CCDC134: variants seen among roughly 807,000 people sequenced by gnomAD.
The protein encoded by CCDC134 is coiled-coil domain-containing protein 134.
CCDC134 carries 27 observed loss-of-function variants against 25.6 expected under a neutral mutation model. The ratio of observed to expected loss-of-function variants is 1.05; its 90% CI spans 0.78 to 1.45. The LOEUF (loss-of-function observed/expected upper bound fraction) is 1.45. Ranked by LOEUF, CCDC134 falls within the 40% of genes most tolerant of loss-of-function variation. The pLI is 0.00. For synonymous variants in CCDC134, 110 were observed against 115.0 expected, an observed-to-expected ratio of 0.96 and a Z score of 0.28; for missense variants, 261 against 286.7, an observed-to-expected ratio of 0.91 and a Z score of 0.65.
chr22:41,832,017 C>CT lies in CCDC134; in HGVS notation c.*6195dup, dbSNP rs1281801127. 2 of 152,202 alleles carry CT rather than the reference C, an allele frequency of 1.3e-5. No individual in the cohort carries two copies. The highest frequency in any genetic ancestry group is 2.9e-5 in the Non-Finnish European group (2 of 68,036). 9.4% of individuals were successfully genotyped at this position (152,202 alleles called of 1,614,324 possible). On this transcript the variant is annotated 3_prime_UTR_variant, in exon 7 of 7. Transcript: ENST00000255784. ...ACAGTGAATTAGTGGATCCATGTGT[C>CT]TGCCTCCACACAGCCTGTGTGTTCT... is the stretch of plus-strand genomic sequence containing the variant.
At chr22:41,820,696 A>G (rs375840668) in intron 6 of CCDC134, among the ~76,000 whole-genome samples, 1 of 152,140 alleles carries the variant, frequency 6.6e-6, no homozygotes, top group African/African-American at 2.4e-5. Context: ...TGACTAGAAG[A>G]CTTTTGGCCT....
In CCDC134 at chr22:41,813,259, G is replaced by T; in HGVS notation, c.311-5G>T. On this transcript the variant is annotated splice_region_variant and splice_polypyrimidine_tract_variant and intron_variant, in intron 4 of 6. Transcript: ENST00000255784. ...CCTGGCCACTCATCAGGGTCCTCTCGCCAGCTTTCTCCCACGTGGTGGAGA... is the reference window on the plus strand; with the variant it reads ...CCTGGCCACTCATCAGGGTCCTCTCTCCAGCTTTCTCCCACGTGGTGGAGA... 1 of 1,614,060 alleles carries T rather than the reference G, an allele frequency of 6.2e-7. No individual in the cohort carries two copies. Among genetic ancestry groups the T allele is most frequent in the Non-Finnish European group, 8.5e-7 (1 of 1,179,952 alleles).
chr22:41,823,711 C>T (rs187581246), intron 6 of CCDC134, among the ~76,000 whole-genome samples: 9 of 152,306 alleles, frequency 5.9e-5, no homozygotes, highest in Non-Finnish European at 1.0e-4. Flanking sequence ...CTGGACAGGA[C>T]GCCCTCCCAT....
chr22:41,816,987 G>C (rs769837303), intron 6 of CCDC134, among the ~76,000 whole-genome samples: 2 of 152,036 alleles, frequency 1.3e-5, no homozygotes, highest in Non-Finnish European at 2.9e-5. Context: ...TCCAGTTGTT[G>C]CCTACTATCA....
In CCDC134 at chr22:41,830,884, C is replaced by A. The variant is rs112338338; in HGVS notation, c.*5061C>A. ...AGATCCTTATTTTTTCTTTTCTTTT[C>A]TTTTTTTTTTTTTTTTTTTTTTGAG... On this transcript the variant is annotated 3_prime_UTR_variant, in exon 7 of 7. Coordinates refer to ENST00000255784, the MANE Select transcript of CCDC134 (RefSeq NM_024821.5). Among the ~76,000 whole-genome samples, 3 of 117,260 alleles carry A rather than the reference C, an allele frequency of 2.6e-5. No individual in the cohort carries two copies. Among genetic ancestry groups the A allele is most frequent in the East Asian group, 4.6e-4 (2 of 4,338 alleles). The allele number at this position is 117,260 out of a possible 152,430, so 76.9% of individuals were successfully genotyped here.
intron 1 of CCDC134, among the ~76,000 whole-genome samples, chr22:41,803,774 T>C (rs2076555070): frequency 6.6e-6 from 1 of 150,982 alleles, no homozygotes; most frequent in Admixed American, 6.6e-5. Context: ...TCTCCAAAAA[T>C]AATGTAAAAT....
At chr22:41,824,407 T>G (rs2076666350) in intron 6 of CCDC134, among the ~76,000 whole-genome samples, 1 of 150,804 alleles carries the variant, frequency 6.6e-6, no homozygotes, top group Non-Finnish European at 1.5e-5. Context: ...CATGTGGAAC[T>G]TTGTCTTGAG....
At chr22:41,805,129 C>T (rs1463331955) in intron 1 of CCDC134, among the ~76,000 whole-genome samples, 1 of 151,870 alleles carries the variant, frequency 6.6e-6, no homozygotes, top group Non-Finnish European at 1.5e-5. Context: ...AACCACATTG[C>T]CGTAAGAATA....
intron 1 of CCDC134, among the ~76,000 whole-genome samples, chr22:41,804,632 C>T (rs1203495670): frequency 6.6e-6 from 1 of 152,142 alleles, no homozygotes; most frequent in Non-Finnish European, 1.5e-5. Context: ...TCTTAAGGTT[C>T]CTGGGCCTGC....
In CCDC134 at chr22:41,813,350, A is replaced by C; in HGVS notation, c.397A>C (p.Asn133His). ...PRIVHYYFDHNSNWNLLIRWG... is the reference protein window; with the variant it reads ...PRIVHYYFDHHSNWNLLIRWG... ...GATTGTGCACTATTACTTTGACCACAACTCCAACTGGAACCTCCTCATCCG... is the reference window on the plus strand; with the variant it reads ...GATTGTGCACTATTACTTTGACCACCACTCCAACTGGAACCTCCTCATCCG... Residue 133 changes from asparagine (N) to histidine (H), a missense_variant, in exon 5 of 7, where the codon AAC becomes CAC. Asn to His is a moderately conservative substitution (Grantham distance 68). Transcript: ENST00000255784. 2 of 1,614,176 alleles carry C rather than the reference A, an allele frequency of 1.2e-6. No individual in the cohort carries two copies. The highest frequency in any genetic ancestry group is 1.7e-6 in the Non-Finnish European group (2 of 1,180,026).
At chr22:41,802,971 G>A (rs983780095) in intron 1 of CCDC134, among the ~76,000 whole-genome samples, 3 of 151,866 alleles carry the variant, frequency 2.0e-5, no homozygotes, top group African/African-American at 7.3e-5. Context: ...AAAATTAGCC[G>A]GGCGTGGTGG....
chr22:41,822,802 G>A (rs1402742819), intron 6 of CCDC134, among the ~76,000 whole-genome samples: 1 of 152,214 alleles, frequency 6.6e-6, no homozygotes, highest in Non-Finnish European at 1.5e-5. Context: ...GTACTAGGCA[G>A]GGAAGTGTGC....
Position 41,825,675 on chromosome 22 carries a change from G to C in CCDC134, c.565-23G>C, listed in dbSNP as rs747012147. 1 of 1,613,648 alleles carries C rather than the reference G, an allele frequency of 6.2e-7. No homozygotes were observed. The highest frequency in any genetic ancestry group is 1.7e-5 in the Admixed American group (1 of 59,972). ...CTCTTTGCTGCCACAGACTAAATCAGACTGCTCTTCTCTTCCCTTCAGTTC... is the reference window on the plus strand; with the variant it reads ...CTCTTTGCTGCCACAGACTAAATCACACTGCTCTTCTCTTCCCTTCAGTTC... On this transcript the variant is annotated intron_variant, in intron 6 of 6. Transcript: ENST00000255784. The surrounding 1 kb of genome is among the most constrained non-coding windows in gnomAD (Gnocchi z 4.4).
intron 4 of CCDC134, among the ~76,000 whole-genome samples, chr22:41,812,659 T>TATTC (rs1263581826): frequency 1.3e-5 from 2 of 151,990 alleles, no homozygotes; most frequent in Non-Finnish European, 2.9e-5. Flanking sequence ...TAATTAAATA[T>TATTC]ATTCATTCAT....
At chr22:41,814,605 G>C (rs943733292) in intron 6 of CCDC134, among the ~76,000 whole-genome samples, 2 of 151,936 alleles carry the variant, frequency 1.3e-5, no homozygotes, top group Non-Finnish European at 2.9e-5. Flanking sequence ...ATAGATGGAG[G>C]AAGGGATTGG....
rs1412322702 is a variant in CCDC134 at position 41,830,941 on chromosome 22, A to T, written c.*5118A>T. Among the ~76,000 whole-genome samples the T allele has an allele frequency of 7.2e-6, 1 of 139,224 alleles. No individual in the cohort carries two copies. The highest frequency in any genetic ancestry group is 1.5e-5 in the Non-Finnish European group (1 of 66,492). 91.3% of individuals were successfully genotyped at this position (139,224 alleles called of 152,430 possible). On this transcript the variant is annotated 3_prime_UTR_variant, in exon 7 of 7. Coordinates refer to ENST00000255784, the MANE Select transcript of CCDC134 (RefSeq NM_024821.5). Reference sequence around the variant, plus strand: ...TCTCCTGTTGCCCAGGCTGGAGTGCAATGGCGCGATCTCTGCTCACCGTAA... The same window carrying T: ...TCTCCTGTTGCCCAGGCTGGAGTGCTATGGCGCGATCTCTGCTCACCGTAA...
chr22:41,804,808 G>A (rs556820102), intron 1 of CCDC134, among the ~76,000 whole-genome samples: 7 of 152,358 alleles, frequency 4.6e-5, no homozygotes, highest in East Asian at 3.9e-4. Flanking sequence ...AGTGGCTCAC[G>A]CCTGTAATCT....
At chr22:41,808,731 T>C in intron 1 of CCDC134, 144 bp from the exon 2 acceptor site, 1 of 667,494 alleles carries the variant, frequency 1.5e-6, no homozygotes, top group Admixed American at 2.7e-5. Context: ...GGATAAGAGC[T>C]GCAGCTTCAG....
At chr22:41,823,303 C>CA (rs1430497144) in intron 6 of CCDC134, among the ~76,000 whole-genome samples, 1 of 149,212 alleles carries the variant, frequency 6.7e-6, no homozygotes, top group African/African-American at 2.5e-5. Flanking sequence ...CAGCTCACTG[C>CA]AACCCCCGCC....
Sources: gnomAD v4.1 joint callset for allele counts (sites outside exome capture counted in the v4.1 genomes callset) on GRCh38, gnomAD v4.1.1 for gene constraint, Gnocchi (gnomAD v3.1) non-coding constraint, MANE v1.5 for transcripts, NCBI Gene and HGNC (gene_info 2026-07-23, HGNC 2026-07-21) for gene names.